RARB: variants seen among roughly 807,000 people sequenced by gnomAD.
RARB encodes retinoic acid receptor beta, also known as HBV-activated protein.
In RARB, 17 loss-of-function variants were observed where a neutral mutation model predicts 51.9. The ratio of observed to expected loss-of-function variants is 0.33; its 90% CI spans 0.22 to 0.49. The LOEUF is 0.49. Among genes scored for constraint, RARB ranks in the 20% least tolerant of loss-of-function variants. The pLI is 0.99. For missense variants in RARB, 369 were observed against 550.8 expected (o/e 0.67, Z 3.30); for synonymous variants, 215 against 195.4 (o/e 1.10, Z -0.84).
chr3:25,227,006 A>G (rs764682076), intron 5 of RARB, among the ~76,000 whole-genome samples: 17 of 152,188 alleles, frequency 1.1e-4, no homozygotes, highest in Non-Finnish European at 1.8e-4. Flanking sequence ...TTCCTTAGTG[A>G]TCCCATTTAC....
At chr3:24,980,353 C>T (rs1348797730) in intron 2 of RARB, among the ~76,000 whole-genome samples, 1 of 152,112 alleles carries the variant, frequency 6.6e-6, no homozygotes, top group Non-Finnish European at 1.5e-5. Context: ...TTATTACTAT[C>T]CTGAAGGGTG....
At chr3:25,394,952 C>G (rs536779906) in intron 5 of RARB, among the ~76,000 whole-genome samples, 18 of 152,244 alleles carry the variant, frequency 1.2e-4, no homozygotes, top group African/African-American at 4.3e-4. Flanking sequence ...CTAGTTGTTG[C>G]CTGAATACTT....
At chr3:25,097,534 C>T (rs1482223768) in intron 3 of RARB, among the ~76,000 whole-genome samples, 1 of 152,196 alleles carries the variant, frequency 6.6e-6, no homozygotes, top group African/African-American at 2.4e-5. Context: ...GGCCCAGCTA[C>T]TCAGGCTTGA....
chr3:25,118,359 A>G (rs975329477), intron 3 of RARB, among the ~76,000 whole-genome samples: 2 of 152,136 alleles, frequency 1.3e-5, no homozygotes, highest in African/African-American at 4.8e-5. Context: ...ATGATCTGCC[A>G]TCTATCCCAG....
chr3:25,108,407 C>G (rs1219721915), intron 3 of RARB, among the ~76,000 whole-genome samples: 1 of 152,128 alleles, frequency 6.6e-6, no homozygotes, highest in Non-Finnish European at 1.5e-5. Flanking sequence ...GCTATCCGGG[C>G]TTTTTCCATC....
In RARB at chr3:24,954,979, C is replaced by T. The variant is rs546021109; in HGVS notation, c.-380+96227C>T. ...TAATGCTCTTCTAGCAGTTGCTGTC[C>T]ATGGACTGCTAAGTGTTAACCAGCT... On this transcript the variant is annotated intron_variant, in intron 2 of 11. Coordinates refer to the RARB transcript ENST00000383772. Among the ~76,000 whole-genome samples the T allele has an allele frequency of 1.2e-3, 182 of 152,202 alleles. 1 individual carries two copies. Among genetic ancestry groups the T allele is most frequent in the African/African-American group, 4.2e-3 (175 of 41,540 alleles).
chr3:25,478,139 C>T (rs1696050979), intron 2 of RARB, among the ~76,000 whole-genome samples: 1 of 152,126 alleles, frequency 6.6e-6, no homozygotes, highest in African/African-American at 2.4e-5. Context: ...GCCACATGGC[C>T]TTTTATTCCC....
intron 5 of RARB, among the ~76,000 whole-genome samples, chr3:25,254,897 T>C (rs1206901440): frequency 6.6e-6 from 1 of 152,154 alleles, no homozygotes; most frequent in Admixed American, 6.6e-5. Flanking sequence ...GAGAATATTA[T>C]TGAGGCACTA....
intron 3 of RARB, among the ~76,000 whole-genome samples, chr3:25,562,235 CT>C (rs11320244): frequency 0.24 from 35,709 of 148,012 alleles, 4,324 homozygotes; most frequent in East Asian, 0.39. Context: ...GATACTAAGC[CT>C]TTTTTTTTTT....
rs376552796 is a variant in RARB, at chr3:25,517,541, G to C, written c.448+16218G>C. ...AAATTTGGACACTCGCACACTGCTA[G>C]TGGGATCATAAATGGTACATTGCCA... On this transcript the variant is annotated intron_variant, in intron 3 of 7. Coordinates refer to ENST00000330688, the MANE Select transcript of RARB (RefSeq NM_000965.5). Among the ~76,000 whole-genome samples the C allele has an allele frequency of 1.2e-4, 18 of 152,272 alleles. No homozygotes were observed. The East Asian group carries it at 2.1e-3, about 18-fold the overall frequency.
chr3:25,457,029 A>G (rs1370688584), intron 1 of RARB, among the ~76,000 whole-genome samples: 1 of 152,022 alleles, frequency 6.6e-6, no homozygotes, highest in Admixed American at 6.6e-5. Flanking sequence ...TCGCCTGGGA[A>G]TACTTTTTAT....
chr3:25,596,620 A>T lies in RARB; in HGVS notation c.*4A>T. The T allele has an allele frequency of 6.3e-7, 1 of 1,574,872 alleles. No individual in the cohort carries two copies. ...TCAGTCACCACTCGTGCAATAAGAC[A>T]TTTTCTAGCTACTTCAAACATTCCC... On this transcript the variant is annotated 3_prime_UTR_variant, in exon 8 of 8. Transcript: ENST00000330688.
At chr3:25,124,124 T>C (rs62230298) in intron 3 of RARB, among the ~76,000 whole-genome samples, 19,888 of 152,144 alleles carry the variant, frequency 0.13, 1,689 homozygotes, top group Non-Finnish European at 0.2. Flanking sequence ...CCTGTAATCC[T>C]AGCACTTTGG....
At chr3:25,236,857 G>A (rs961661501) in intron 5 of RARB, among the ~76,000 whole-genome samples, 1 of 151,208 alleles carries the variant, frequency 6.6e-6, no homozygotes, top group Non-Finnish European at 1.5e-5. Flanking sequence ...GGAAGATCTC[G>A]CATCATTTTT....
chr3:25,343,425 G>A (rs1451748638), intron 5 of RARB, among the ~76,000 whole-genome samples: 8 of 150,722 alleles, frequency 5.3e-5, no homozygotes, highest in Admixed American at 5.3e-4. Flanking sequence ...GTCTGGAGGA[G>A]ATTAATTTCA....
chr3:25,157,319 T>C (rs1700391648), intron 4 of RARB, among the ~76,000 whole-genome samples: 1 of 151,382 alleles, frequency 6.6e-6, no homozygotes, highest in African/African-American at 2.4e-5. Flanking sequence ...AGTGCTTCCT[T>C]AGTGCGAGGC....
intron 5 of RARB, among the ~76,000 whole-genome samples, chr3:25,288,093 G>T (rs2125420042): frequency 6.6e-6 from 1 of 152,154 alleles, no homozygotes; most frequent in African/African-American, 2.4e-5. Context: ...AGTATTAAAA[G>T]TAAGTACCAA....
intron 5 of RARB, among the ~76,000 whole-genome samples, chr3:25,285,335 C>G (rs1219274143): frequency 1.3e-5 from 2 of 152,010 alleles, no homozygotes; most frequent in South Asian, 2.1e-4. Context: ...TTCAAAGGCC[C>G]TTTGTTGGGA....
chr3:24,985,784 GTTAA>G (rs751145238), intron 2 of RARB, among the ~76,000 whole-genome samples: 1 of 152,220 alleles, frequency 6.6e-6, no homozygotes, highest in Non-Finnish European at 1.5e-5. Flanking sequence ...CAGCAGCTGT[GTTAA>G]TTAGATAGAT....
Sources: allele counts gnomAD v4.1 joint callset (sites outside exome capture counted in the v4.1 genomes callset), GRCh38; gene constraint gnomAD v4.1.1; transcripts MANE v1.5; gene names NCBI Gene and HGNC (gene_info 2026-07-23, HGNC 2026-07-21).